KCNB2: variants seen among roughly 807,000 people sequenced by gnomAD.
The protein encoded by KCNB2 is potassium voltage-gated channel subfamily B member 2.
In KCNB2, 15 loss-of-function variants were observed where a neutral mutation model predicts 61.5. The observed-to-expected ratio is 0.24, with a 90% CI of 0.16 to 0.38. The LOEUF is 0.38. KCNB2 is among the 10% of genes least tolerant of loss of function. The pLI is 1.00. For synonymous variants in KCNB2, 457 were observed against 446.0 expected (o/e 1.02, Z -0.31); for missense variants, 828 against 1,125.2 (o/e 0.74, Z 3.78).
intron 2 of KCNB2, among the ~76,000 whole-genome samples, chr8:72,624,927 G>C (rs1294938160): frequency 6.6e-6 from 1 of 152,194 alleles, no homozygotes; most frequent in East Asian, 1.9e-4. Context: ...TGGCCTCTTA[G>C]AGCTGAGGGA....
chr8:72,888,401 G>A (rs754471661), intron 2 of KCNB2, among the ~76,000 whole-genome samples: 1 of 152,074 alleles, frequency 6.6e-6, no homozygotes, highest in African/African-American at 2.4e-5. Flanking sequence ...GTTAGTCACC[G>A]CACATGGCCA....
intron 2 of KCNB2, among the ~76,000 whole-genome samples, chr8:72,742,453 G>T (rs1807977818): frequency 6.6e-6 from 1 of 152,098 alleles, no homozygotes; most frequent in South Asian, 2.1e-4. Flanking sequence ...TACACCCATG[G>T]CTGGTGCAGC....
intron 2 of KCNB2, among the ~76,000 whole-genome samples, chr8:72,915,149 G>A (rs930863384): frequency 2.0e-5 from 3 of 151,944 alleles, no homozygotes; most frequent in African/African-American, 7.3e-5. Context: ...CTTGTGATCC[G>A]CCCCAAACTC....
At chr8:72,866,483 G>T (rs1402593749) in intron 2 of KCNB2, among the ~76,000 whole-genome samples, 1 of 152,118 alleles carries the variant, frequency 6.6e-6, no homozygotes, top group African/African-American at 2.4e-5. Context: ...TGCCTAACAG[G>T]TACAAGATAG....
intron 2 of KCNB2, among the ~76,000 whole-genome samples, chr8:72,625,504 C>T (rs1182831022): frequency 6.6e-6 from 1 of 152,120 alleles, no homozygotes; most frequent in East Asian, 1.9e-4. Context: ...AATCACAGCT[C>T]ACAGCAGCCT....
At chr8:72,925,717 T>C (rs571862309) in intron 2 of KCNB2, among the ~76,000 whole-genome samples, 27 of 152,310 alleles carry the variant, frequency 1.8e-4, no homozygotes, top group African/African-American at 5.5e-4. Flanking sequence ...AGAAATACTA[T>C]TTGATCCAGT....
chr8:72,543,669 T>A (rs1450611885), intron 1 of KCNB2, among the ~76,000 whole-genome samples: 4 of 152,200 alleles, frequency 2.6e-5, no homozygotes, highest in Non-Finnish European at 1.5e-5. Context: ...TAGGGTCTAG[T>A]CACAGATAAC....
At chr8:72,776,335 G>C (rs970223731) in intron 2 of KCNB2, among the ~76,000 whole-genome samples, 1 of 152,104 alleles carries the variant, frequency 6.6e-6, no homozygotes, top group African/African-American at 2.4e-5. Flanking sequence ...CACCAACGTG[G>C]CACATGTATA....
intron 1 of KCNB2, among the ~76,000 whole-genome samples, chr8:72,563,267 T>C (rs1806564993): frequency 6.6e-6 from 1 of 152,078 alleles, no homozygotes; most frequent in Non-Finnish European, 1.5e-5. Flanking sequence ...AAATTAAGTG[T>C]CATAGGAAAT....
chr8:72,581,371 G>A (rs1165317252), intron 2 of KCNB2, among the ~76,000 whole-genome samples: 2 of 152,070 alleles, frequency 1.3e-5, no homozygotes, highest in African/African-American at 4.8e-5. Context: ...GATTTTGACT[G>A]TGCTGTGTTC....
chr8:72,565,563 A>G (rs538854397), intron 1 of KCNB2, among the ~76,000 whole-genome samples: 5 of 152,136 alleles, frequency 3.3e-5, no homozygotes, highest in Non-Finnish European at 7.3e-5. Flanking sequence ...GCAGATCAGA[A>G]TAACAGATCA....
At chr8:72,597,254 T>A (rs2128982016) in intron 2 of KCNB2, among the ~76,000 whole-genome samples, 1 of 152,192 alleles carries the variant, frequency 6.6e-6, no homozygotes, top group Admixed American at 6.5e-5. Flanking sequence ...CAGGTTGGTC[T>A]TGATCTCCCT....
chr8:72,891,973 A>C (rs1393426455), intron 2 of KCNB2, among the ~76,000 whole-genome samples: 1 of 152,068 alleles, frequency 6.6e-6, no homozygotes, highest in Non-Finnish European at 1.5e-5. Context: ...AGAATTTGGG[A>C]GCCTGGCAGG....
intron 2 of KCNB2, among the ~76,000 whole-genome samples, chr8:72,734,701 G>A (rs1807809167): frequency 2.0e-5 from 3 of 152,152 alleles, no homozygotes; most frequent in East Asian, 1.9e-4. Context: ...TGAACACTAC[G>A]TCTTGAAAGA....
Position 72,793,458 on chromosome 8 carries a change from C to T in KCNB2, c.580-142477C>T, listed in dbSNP as rs553799340. Among the ~76,000 whole-genome samples the T allele has an allele frequency of 2.7e-4, 41 of 152,220 alleles. No homozygotes were observed. The South Asian group carries it at 8.3e-3, about 31-fold the overall frequency. ...CAGAAATTCCCTAAGCAGGAATGGG[C>T]TTAGTGTGCTAAAATACCACGAAGG... On this transcript the variant is annotated intron_variant, in intron 2 of 2. Coordinates refer to ENST00000523207, the MANE Select transcript of KCNB2 (RefSeq NM_004770.3).
chr8:72,921,002 C>T (rs981746161), intron 2 of KCNB2, among the ~76,000 whole-genome samples: 4 of 151,994 alleles, frequency 2.6e-5, no homozygotes, highest in South Asian at 2.1e-4. Context: ...GTCAAAAGAG[C>T]GAGAGTTCTG....
chr8:72,651,601 G>A (rs1481485017), intron 2 of KCNB2, among the ~76,000 whole-genome samples: 1 of 152,022 alleles, frequency 6.6e-6, no homozygotes, highest in African/African-American at 2.4e-5. Flanking sequence ...CTTGGCTAGA[G>A]GCCCAGATGT....
intron 2 of KCNB2, among the ~76,000 whole-genome samples, chr8:72,653,970 G>A (rs1433324536): frequency 1.3e-5 from 2 of 152,164 alleles, no homozygotes; most frequent in Non-Finnish European, 2.9e-5. Context: ...GCTAATTTCA[G>A]TGGTTAAAAG....
chr8:72,750,929 T>G (rs1454563586), intron 2 of KCNB2: 3 of 152,124 alleles, frequency 2.0e-5, no homozygotes, highest in Admixed American at 2.0e-4. Context: ...AATCGAGATA[T>G]GATATCGCAT....
Sources: gnomAD v4.1 joint callset for allele counts (sites outside exome capture counted in the v4.1 genomes callset) on GRCh38, gnomAD v4.1.1 for gene constraint, MANE v1.5 for transcripts, NCBI Gene and HGNC (gene_info 2026-07-23, HGNC 2026-07-21) for gene names.